LRATD1: variants seen among roughly 807,000 people sequenced by gnomAD.
LRATD1 encodes the protein protein LRATD1.
A neutral mutation model predicts 21.3 loss-of-function variants in LRATD1; 8 were observed. The ratio of observed to expected loss-of-function variants is 0.38; its 90% CI spans 0.22 to 0.68. The LOEUF is 0.68. Ranked by LOEUF, LRATD1 falls within the 30% of genes least tolerant of loss-of-function variation. The pLI is 0.54. For synonymous variants in LRATD1, 210 were observed against 186.2 expected (o/e 1.13, Z -1.04); for missense variants, 380 against 404.0 (o/e 0.94, Z 0.51).
chr2:14,642,166 T>TGTG (rs1390645796), downstream of LRATD1: 3 of 152,606 alleles, frequency 2.0e-5, no homozygotes, highest in Non-Finnish European at 4.4e-5. Flanking sequence ...TTATACGAGA[T>TGTG]TCTCCTTAAG....
chr2:14,651,185 T>A (rs1192333791), downstream of LRATD1, among the ~76,000 whole-genome samples: 2 of 152,194 alleles, frequency 1.3e-5, no homozygotes, highest in Non-Finnish European at 2.9e-5. Context: ...TGTTGTGCTA[T>A]GGATCTCATA....
Position 14,635,374 on chromosome 2 carries a change from C to G in LRATD1, c.*516C>G. The G allele has an allele frequency of 4.2e-6, 2 of 473,622 alleles. No homozygotes were observed. Among genetic ancestry groups the G allele is most frequent in the South Asian group, 3.1e-5 (2 of 64,594 alleles). The allele number at this position is 473,622 out of a possible 1,614,324, so 29.3% of individuals were successfully genotyped here. Reference sequence around the variant, plus strand: ...ATCGCAGGATTTCCAAGAAATCGAGCCTGTCCCTTGTGCACTTGGGAATAA... The same window carrying G: ...ATCGCAGGATTTCCAAGAAATCGAGGCTGTCCCTTGTGCACTTGGGAATAA... On this transcript the variant is annotated 3_prime_UTR_variant, in exon 2 of 2. Transcript: ENST00000295092.
rs2103407387 is a variant in LRATD1 at position 14,635,236 on chromosome 2, C to T, written c.*378C>T. On this transcript the variant is annotated 3_prime_UTR_variant, in exon 2 of 2. Transcript: ENST00000295092. ...TGACTGTGGCCCGACTCGAAAACAA[C>T]CCTCTTCTCAAAAGGGACCATCACC... The T allele has an allele frequency of 1.8e-6, 1 of 543,536 alleles. No individual in the cohort carries two copies. Among genetic ancestry groups the T allele is most frequent in the South Asian group, 1.5e-5 (1 of 65,222 alleles). 33.7% of individuals were successfully genotyped at this position (543,536 alleles called of 1,614,324 possible).
rs565273979 is a variant in LRATD1 at position 14,636,649 on chromosome 2, T to A, written c.*1791T>A. 1 of 167,270 alleles carries A rather than the reference T, an allele frequency of 6.0e-6. No homozygotes were observed. The highest frequency in any genetic ancestry group is 6.5e-5 in the Admixed American group (1 of 15,316). The allele number at this position is 167,270 out of a possible 1,614,324, so 10.4% of individuals were successfully genotyped here. ...ACACTTAAATAGCATCTATGTCTCT[T>A]TCAAGGGAATTTGTCAAATAATGCT... On this transcript the variant is annotated 3_prime_UTR_variant, in exon 2 of 2. Coordinates refer to ENST00000295092, the MANE Select transcript of LRATD1 (RefSeq NM_145175.4).
rs1339649445 is a variant in LRATD1 at position 14,638,238 on chromosome 2, T to C, written c.*3380T>C. On this transcript the variant is annotated 3_prime_UTR_variant, in exon 2 of 2. Transcript: ENST00000295092. ...CAAAAAAAAAAAAAAAAAAAAACTATAGAATTTACGTATGTTACATTTTTA... is the reference window on the plus strand; with the variant it reads ...CAAAAAAAAAAAAAAAAAAAAACTACAGAATTTACGTATGTTACATTTTTA... 1.3e-5 allele frequency: 2 copies of C among 155,310 alleles called. No individual in the cohort carries two copies. The highest frequency in any genetic ancestry group is 4.2e-4 in the East Asian group (2 of 4,810). 9.6% of individuals were successfully genotyped at this position (155,310 alleles called of 1,614,324 possible). A position where few individuals can be genotyped will look rare whatever the true frequency, so the allele number is the denominator to read the frequency against.
At chr2:14,648,415 A>G (rs1357166795) in intron 4 of LRATD1, among the ~76,000 whole-genome samples, 2 of 152,204 alleles carry the variant, frequency 1.3e-5, no homozygotes, top group African/African-American at 4.8e-5. Context: ...TCACAAAACT[A>G]TTACCTGTCA....
downstream of LRATD1, among the ~76,000 whole-genome samples, chr2:14,640,810 T>C (rs1038250889): frequency 2.6e-5 from 4 of 152,268 alleles, no homozygotes; most frequent in Admixed American, 2.6e-4. Flanking sequence ...AAAACATCTC[T>C]CAACTCCCAA....
chr2:14,644,277 G>A (rs1028428134), downstream of LRATD1, among the ~76,000 whole-genome samples: 18 of 151,954 alleles, frequency 1.2e-4, no homozygotes, highest in Non-Finnish European at 2.6e-4. Context: ...ATCACTTGAA[G>A]GTATACATCA....
chr2:14,635,384 G>C lies in LRATD1; in HGVS notation c.*526G>C, dbSNP rs775600878. 4 of 472,654 alleles carry C rather than the reference G, an allele frequency of 8.5e-6. No individual in the cohort carries two copies. Among genetic ancestry groups the C allele is most frequent in the Non-Finnish European group, 1.8e-5 (4 of 228,226 alleles). The allele number at this position is 472,654 out of a possible 1,614,324, so 29.3% of individuals were successfully genotyped here. On this transcript the variant is annotated 3_prime_UTR_variant, in exon 2 of 2. Transcript: ENST00000295092. Reference sequence around the variant, plus strand: ...TTCCAAGAAATCGAGCCTGTCCCTTGTGCACTTGGGAATAATTCCCCAAGA... The same window carrying C: ...TTCCAAGAAATCGAGCCTGTCCCTTCTGCACTTGGGAATAATTCCCCAAGA...
Position 14,636,931 on chromosome 2 carries a change from T to G in LRATD1, c.*2073T>G, listed in dbSNP as rs1222077459. 1 of 167,018 alleles carries G rather than the reference T, an allele frequency of 6.0e-6. No homozygotes were observed. Among genetic ancestry groups the G allele is most frequent in the South Asian group, 2.1e-4 (1 of 4,834 alleles). 10.3% of individuals were successfully genotyped at this position (167,018 alleles called of 1,614,324 possible). On this transcript the variant is annotated 3_prime_UTR_variant, in exon 2 of 2. Coordinates refer to ENST00000295092, the MANE Select transcript of LRATD1 (RefSeq NM_145175.4). ...AAATCAAAACGTCAGATCAATGAAC[T>G]ATGAACTAAAGTATTTTTCTTAAGC...
downstream of LRATD1, among the ~76,000 whole-genome samples, chr2:14,644,152 C>T (rs570436070): frequency 5.9e-5 from 9 of 151,558 alleles, no homozygotes; most frequent in African/African-American, 1.9e-4. Flanking sequence ...ATTTCAAGAA[C>T]GAGACAGGAC....
In LRATD1 at chr2:14,634,405, G is replaced by T. The variant is rs1360564196; in HGVS notation, c.426G>T (p.Pro142=). Residue 142 remains proline (P), a synonymous_variant, in exon 2 of 2, where the codon CCG becomes CCT. Transcript: ENST00000295092. The stretch of plus-strand genomic sequence containing the variant: ...CGCCGGAGCCGCCCGCGCCCGCCCC[G>T]CACTGGGCCGTCTACGTGGGCGGCG... The part of the protein sequence containing the change: ...QPAPEPPAPA[P]HWAVYVGGGQ... 5.9e-6 allele frequency: 9 copies of T among 1,530,530 alleles called. No homozygotes were observed. The highest frequency in any genetic ancestry group is 7.9e-6 in the Non-Finnish European group (9 of 1,143,110). 94.8% of individuals were successfully genotyped at this position (1,530,530 alleles called of 1,614,324 possible). A position where few individuals can be genotyped will look rare whatever the true frequency, so the allele number is the denominator to read the frequency against.
At chr2:14,644,061 A>C (rs1230587862), downstream of LRATD1, among the ~76,000 whole-genome samples, 1 of 151,880 alleles carries the variant, frequency 6.6e-6, no homozygotes, top group East Asian at 1.9e-4. Flanking sequence ...GTGGGAGATA[A>C]ACTCCTTAAA....
In LRATD1 at chr2:14,633,688, T is replaced by G; in HGVS notation, c.-36-256T>G. 2.5e-6 allele frequency: 1 copy of G among 396,622 alleles called. No homozygotes were observed. The highest frequency in any genetic ancestry group is 4.6e-6 in the Non-Finnish European group (1 of 219,026). 24.6% of individuals were successfully genotyped at this position (396,622 alleles called of 1,614,324 possible). On this transcript the variant is annotated intron_variant, in intron 1 of 1. Transcript: ENST00000295092. This position sits in a 1 kb window ranked among gnomAD's most constrained non-coding sequence, Gnocchi z 7.5. The stretch of plus-strand genomic sequence containing the variant: ...AAGCTCTCCAGCCAGCCTGGGTGTT[T>G]TCTTCTGGGAGTTGGACCGAGTTCC...
At chr2:14,648,347 T>C (rs903467227) in intron 4 of LRATD1, among the ~76,000 whole-genome samples, 1 of 152,142 alleles carries the variant, frequency 6.6e-6, no homozygotes, top group African/African-American at 2.4e-5. Flanking sequence ...TTGTCAACAT[T>C]TGCCACGATA....
At chr2:14,643,156 A>G (rs1437226842), downstream of LRATD1, among the ~76,000 whole-genome samples, 2 of 151,964 alleles carry the variant, frequency 1.3e-5, no homozygotes, top group South Asian at 2.1e-4. Flanking sequence ...AGTGGAGGAG[A>G]TTTTTCATTA....
chr2:14,650,710 G>A (rs1671990437), downstream of LRATD1: 2 of 152,076 alleles, frequency 1.3e-5, no homozygotes, highest in African/African-American at 2.4e-5. Flanking sequence ...TACATCAACT[G>A]GATATGCCAT....
intron 2 of LRATD1, among the ~76,000 whole-genome samples, chr2:14,645,514 T>G (rs1436248346): frequency 6.6e-6 from 1 of 152,206 alleles, no homozygotes; most frequent in African/African-American, 2.4e-5. Flanking sequence ...GACGGAATCT[T>G]TTAATAAATT....
In LRATD1 at chr2:14,635,859, G is replaced by A. The variant is rs1396584144; in HGVS notation, c.*1001G>A. 2.0e-5 allele frequency: 7 copies of A among 355,708 alleles called. No individual in the cohort carries two copies. The highest frequency in any genetic ancestry group is 1.5e-4 in the African/African-American group (7 of 46,524). 22.0% of individuals were successfully genotyped at this position (355,708 alleles called of 1,614,324 possible). The stretch of plus-strand genomic sequence containing the variant: ...AAACCAGCATTGTTACAACACCATA[G>A]CCAGTATATTTAGTTTGGCTTTTCC... On this transcript the variant is annotated 3_prime_UTR_variant, in exon 2 of 2. Transcript: ENST00000295092.
Sources: allele counts gnomAD v4.1 joint callset (sites outside exome capture counted in the v4.1 genomes callset), GRCh38; gene constraint gnomAD v4.1.1; non-coding constraint Gnocchi (gnomAD v3.1); transcripts MANE v1.5; gene names NCBI Gene and HGNC (gene_info 2026-07-23, HGNC 2026-07-21).